The following RNF2 variants were observed in gnomAD, a reference collection of about 807,000 sequenced individuals.
RNF2 encodes the protein E3 ubiquitin-protein ligase RING2.
RNF2 carries 6 observed loss-of-function variants against 37.2 expected under a neutral mutation model. The ratio of observed to expected loss-of-function variants is 0.16; its 90% CI spans 0.09 to 0.32. The LOEUF is 0.32. RNF2 is among the 10% of genes least tolerant of loss of function. The pLI is 1.00. For synonymous variants in RNF2, 133 were observed against 132.7 expected (o/e 1.00, Z -0.02); for missense variants, 251 against 404.0 (o/e 0.62, Z 3.25).
intron 1 of RNF2, among the ~76,000 whole-genome samples, chr1:185,054,203 A>C (rs930501870): frequency 6.6e-6 from 1 of 152,248 alleles, no homozygotes; most frequent in Admixed American, 6.5e-5. Context: ...TAGGGCACGC[A>C]ACGGGTTTCA....
intron 3 of RNF2, among the ~76,000 whole-genome samples, chr1:185,092,290 C>G (rs1651788601): frequency 6.6e-6 from 1 of 152,062 alleles, no homozygotes; most frequent in African/African-American, 2.4e-5. Flanking sequence ...GATTCTCCTG[C>G]CTCAGCCTCC....
At chr1:185,061,959 CA>C (rs1181131784) in intron 1 of RNF2, among the ~76,000 whole-genome samples, 2 of 152,194 alleles carry the variant, frequency 1.3e-5, no homozygotes, top group Non-Finnish European at 2.9e-5. Flanking sequence ...AATCTAGAAG[CA>C]GTGCTTCTTT....
At chr1:185,068,532 T>C (rs988805450) in intron 1 of RNF2, among the ~76,000 whole-genome samples, 1 of 152,126 alleles carries the variant, frequency 6.6e-6, no homozygotes, top group African/African-American at 2.4e-5. Context: ...TGGAGTGATA[T>C]GGTCACAAGC....
chr1:185,081,348 T>G (rs1435631323), intron 1 of RNF2, among the ~76,000 whole-genome samples: 2 of 151,732 alleles, frequency 1.3e-5, no homozygotes, highest in Admixed American at 6.6e-5. Flanking sequence ...TGGCGAGAGG[T>G]CCGATGACTA....
intron 2 of RNF2, among the ~76,000 whole-genome samples, chr1:185,090,844 A>G (rs1266272424): frequency 6.6e-6 from 1 of 152,222 alleles, no homozygotes; most frequent in Admixed American, 6.5e-5. Context: ...CAGGGGAGAT[A>G]TGTCCTGAAA....
At chr1:185,090,511 A>C (rs1339974295) in intron 2 of RNF2, among the ~76,000 whole-genome samples, 1 of 152,222 alleles carries the variant, frequency 6.6e-6, no homozygotes, top group Non-Finnish European at 1.5e-5. Flanking sequence ...AGAGGCTGAA[A>C]TCTAACAAAC....
chr1:185,049,592 GGTACA>G (rs943948575), intron 1 of RNF2, among the ~76,000 whole-genome samples: 5 of 151,578 alleles, frequency 3.3e-5, no homozygotes, highest in Non-Finnish European at 7.4e-5. Flanking sequence ...AATGTGCTAG[GGTACA>G]GTAGAGAAAA....
At chr1:185,065,110 A>G (rs562948978) in intron 1 of RNF2, among the ~76,000 whole-genome samples, 1 of 152,268 alleles carries the variant, frequency 6.6e-6, no homozygotes, top group East Asian at 1.9e-4. Context: ...AGCACTCTGT[A>G]AAAACGCACC....
chr1:185,084,372 A>G (rs1470297117), intron 1 of RNF2, among the ~76,000 whole-genome samples: 1 of 152,206 alleles, frequency 6.6e-6, no homozygotes, highest in Non-Finnish European at 1.5e-5. Flanking sequence ...AGGAAAGGAT[A>G]GTTCATTTAG....
At chr1:185,065,540 A>G (rs753355359) in intron 1 of RNF2, among the ~76,000 whole-genome samples, 8 of 152,184 alleles carry the variant, frequency 5.3e-5, no homozygotes, top group Non-Finnish European at 1.5e-5. Context: ...CAGCCAGACC[A>G]TGAACCCACC....
At chr1:185,057,299 T>C (rs550891933) in intron 1 of RNF2, among the ~76,000 whole-genome samples, 16 of 152,084 alleles carry the variant, frequency 1.1e-4, no homozygotes, top group Admixed American at 3.3e-4. Flanking sequence ...CAACCCTGTT[T>C]CAAAAAATAA....
At chr1:185,070,210 C>T (rs1210210862) in intron 1 of RNF2, among the ~76,000 whole-genome samples, 4 of 152,008 alleles carry the variant, frequency 2.6e-5, no homozygotes, top group East Asian at 1.9e-4. Flanking sequence ...ATGAATATCT[C>T]ATTCAGTTTT....
intron 1 of RNF2, among the ~76,000 whole-genome samples, chr1:185,084,821 G>T (rs948436771): frequency 6.6e-5 from 10 of 152,212 alleles, no homozygotes; most frequent in African/African-American, 2.4e-4. Context: ...ACAAGAGAGA[G>T]TTGCCATAGC....
In RNF2 at chr1:185,101,469, G is replaced by A. The variant is rs1652074992; in HGVS notation, c.*1168G>A. ...TTCTACTGTTCTTAATTTTTATATT[G>A]AGGAACAATATTGGGTGTTTGGGAG... On this transcript the variant is annotated 3_prime_UTR_variant, in exon 7 of 7. Transcript: ENST00000367510. 6.6e-6 allele frequency: 1 copy of A among 152,452 alleles called. No homozygotes were observed. Among genetic ancestry groups the A allele is most frequent in the East Asian group, 1.9e-4 (1 of 5,192 alleles). The allele number at this position is 152,452 out of a possible 1,614,324, so 9.4% of individuals were successfully genotyped here.
At chr1:185,049,179 T>C (rs550774616) in intron 1 of RNF2, among the ~76,000 whole-genome samples, 25 of 152,256 alleles carry the variant, frequency 1.6e-4, no homozygotes, top group Admixed American at 1.4e-3. Flanking sequence ...TGCATGCCAC[T>C]GCACTGCATC....
intron 1 of RNF2, among the ~76,000 whole-genome samples, chr1:185,054,684 G>A (rs2102153883): frequency 6.6e-6 from 1 of 152,092 alleles, no homozygotes; most frequent in East Asian, 1.9e-4. Context: ...TTTCTTTGTG[G>A]GTTTTTTAAA....
chr1:185,049,229 G>C (rs1416267609), intron 1 of RNF2, among the ~76,000 whole-genome samples: 1 of 152,030 alleles, frequency 6.6e-6, no homozygotes, highest in African/African-American at 2.4e-5. Context: ...AAAAAATCAG[G>C]ATCTCATGCC....
At position 185,093,014 on chromosome 1, in the gene RNF2, A is replaced by G. The variant is rs1444061731; in HGVS notation, c.249-47A>G. ...AGCTGGGTATTTTTGTCTTTAGCCCAAAGATACTAGCATTGTTTACATTTG... is the reference window on the plus strand; with the variant it reads ...AGCTGGGTATTTTTGTCTTTAGCCCGAAGATACTAGCATTGTTTACATTTG... On this transcript the variant is annotated intron_variant, in intron 3 of 6. Coordinates refer to ENST00000367510, the MANE Select transcript of RNF2 (RefSeq NM_007212.4). 14 of 1,567,732 alleles carry G rather than the reference A, an allele frequency of 8.9e-6. No homozygotes were observed. In the Admixed American group the frequency reaches 2.3e-4, roughly 26 times the overall value.
chr1:185,099,981 A>T lies in RNF2; in HGVS notation c.909+19A>T, dbSNP rs377241883. ...GTTCACTGTGAGTATTTAAAATAAT[A>T]GACTGTTGAAACTGGGAGCACACTG... is the stretch of plus-strand genomic sequence containing the variant. On this transcript the variant is annotated intron_variant, in intron 6 of 6. Transcript: ENST00000367510. 1 of 1,598,124 alleles carries T rather than the reference A, an allele frequency of 6.3e-7. No individual in the cohort carries two copies. Among genetic ancestry groups the T allele is most frequent in the Admixed American group, 1.7e-5 (1 of 59,160 alleles).
Sources: gnomAD v4.1 joint callset for allele counts (sites outside exome capture counted in the v4.1 genomes callset) on GRCh38, gnomAD v4.1.1 for gene constraint, MANE v1.5 for transcripts, NCBI Gene and HGNC (gene_info 2026-07-23, HGNC 2026-07-21) for gene names.